Variants in PCP4 observed in about 807,000 individuals in gnomAD.
PCP4 encodes the protein calmodulin regulator protein PCP4.
A neutral mutation model predicts 10.0 loss-of-function variants in PCP4; 8 were observed. That is an observed-to-expected ratio of 0.80 (90% confidence interval 0.47 to 1.45). PCP4 has a LOEUF of 1.45. Ranked by LOEUF, PCP4 falls within the 40% of genes most tolerant of loss-of-function variation. The pLI, the probability that PCP4 is intolerant of heterozygous loss-of-function variation, is 0.00. For missense variants in PCP4, 54 were observed against 74.4 expected (o/e 0.73, Z 1.01); for synonymous variants, 21 against 23.0 (o/e 0.91, Z 0.24).
intron 2 of PCP4, 137 bp from the exon 3 acceptor site, chr21:39,928,847 C>A: frequency 4.1e-6 from 3 of 730,650 alleles, no homozygotes; most frequent in Non-Finnish European, 6.8e-6. Context: ...TGCAGATGAG[C>A]TCTTGTCCTG....
chr21:39,913,990 C>T (rs1003652770), intron 2 of PCP4, among the ~76,000 whole-genome samples: 10 of 5,170 alleles, frequency 1.9e-3, no homozygotes, highest in African/African-American at 7.5e-3. Flanking sequence ...GACGCAGAAA[C>T]GTGTGTCATG....
At chr21:39,883,300 T>C (rs1231732643) in intron 1 of PCP4, among the ~76,000 whole-genome samples, 1 of 152,190 alleles carries the variant, frequency 6.6e-6, no homozygotes, top group African/African-American at 2.4e-5. Flanking sequence ...TGTTGATTCC[T>C]GGGCCCTTTG....
chr21:39,886,830 A>G (rs1459764633), intron 1 of PCP4, among the ~76,000 whole-genome samples: 1 of 152,228 alleles, frequency 6.6e-6, no homozygotes, highest in African/African-American at 2.4e-5. Context: ...GAGACTATAT[A>G]TATGTCCACC....
intron 2 of PCP4, among the ~76,000 whole-genome samples, chr21:39,923,942 C>T (rs1226308987): frequency 2.0e-5 from 3 of 152,178 alleles, no homozygotes; most frequent in Admixed American, 6.5e-5. Context: ...TGGACTGTAT[C>T]GGTCGGCAGT....
At chr21:39,899,833 G>A (rs2087474435) in intron 2 of PCP4, among the ~76,000 whole-genome samples, 1 of 152,122 alleles carries the variant, frequency 6.6e-6, no homozygotes, top group African/African-American at 2.4e-5. Flanking sequence ...TTAAAAGGGA[G>A]GAGCAATATT....
At chr21:39,883,961 T>C (rs567775328) in intron 1 of PCP4, among the ~76,000 whole-genome samples, 1 of 152,330 alleles carries the variant, frequency 6.6e-6, no homozygotes, top group Non-Finnish European at 1.5e-5. Context: ...GGTGGGTATA[T>C]TGTTATTCTC....
chr21:39,914,007 G>A (rs1463454975), intron 2 of PCP4, among the ~76,000 whole-genome samples: 1 of 3,100 alleles, frequency 3.2e-4, no homozygotes, highest in Non-Finnish European at 6.4e-4. Context: ...CATGAAGGAT[G>A]CCAGATGCAC....
intron 1 of PCP4, among the ~76,000 whole-genome samples, chr21:39,884,445 C>G (rs1320191010): frequency 6.6e-6 from 1 of 151,904 alleles, no homozygotes; most frequent in Non-Finnish European, 1.5e-5. Context: ...TCCCAAAGTG[C>G]TGGGATTACA....
At chr21:39,918,334 C>T (rs1041602374) in intron 2 of PCP4, among the ~76,000 whole-genome samples, 1 of 152,084 alleles carries the variant, frequency 6.6e-6, no homozygotes, top group African/African-American at 2.4e-5. Context: ...CCACAATGGG[C>T]ATTTTATATA....
At chr21:39,867,572 AT>A in intron 1 of PCP4, 62 bp downstream of exon 1, 2 of 1,525,800 alleles carry the variant, frequency 1.3e-6, no homozygotes, top group Non-Finnish European at 1.8e-6. Flanking sequence ...CGGCTGAAGG[AT>A]TAGTCTCAGG....
intron 2 of PCP4, among the ~76,000 whole-genome samples, chr21:39,903,033 T>C (rs1028172851): frequency 6.6e-6 from 1 of 152,198 alleles, no homozygotes; most frequent in African/African-American, 2.4e-5. Flanking sequence ...TGGGGGAAAC[T>C]ACATTGCTGG....
At chr21:39,913,257 G>A (rs116742471) in intron 2 of PCP4, among the ~76,000 whole-genome samples, 2,010 of 151,946 alleles carry the variant, frequency 0.013, 38 homozygotes, top group African/African-American at 0.046. Flanking sequence ...TTTAAAAAAA[G>A]CAAATAGAAG....
chr21:39,908,446 G>A (rs760252793), intron 2 of PCP4, among the ~76,000 whole-genome samples: 1 of 152,156 alleles, frequency 6.6e-6, no homozygotes, highest in African/African-American at 2.4e-5. Flanking sequence ...GGAAGGCCCC[G>A]CTAGATGGCA....
Position 39,929,383 on chromosome 21 carries a change from G to A in PCP4, c.*272G>A, listed in dbSNP as rs2087640900. On this transcript the variant is annotated 3_prime_UTR_variant, in exon 3 of 3. Transcript: ENST00000328619. Reference sequence around the variant, plus strand: ...TGATGTTGTAATAAAATGAAGTTACGATGAGTGAATTCAAGTGACTGCCTT... The same window carrying A: ...TGATGTTGTAATAAAATGAAGTTACAATGAGTGAATTCAAGTGACTGCCTT... The A allele has an allele frequency of 7.3e-6, 2 of 275,566 alleles. No individual in the cohort carries two copies. Among genetic ancestry groups the A allele is most frequent in the Non-Finnish European group, 1.3e-5 (2 of 148,470 alleles). The allele number at this position is 275,566 out of a possible 1,614,324, so 17.1% of individuals were successfully genotyped here.
At chr21:39,909,122 G>A (rs2087527304) in intron 2 of PCP4, among the ~76,000 whole-genome samples, 2 of 152,300 alleles carry the variant, frequency 1.3e-5, no homozygotes, top group Middle Eastern at 3.4e-3. Context: ...AGAATAACAA[G>A]TACTGTGAGA....
At chr21:39,882,134 C>T (rs1011443882) in intron 1 of PCP4, among the ~76,000 whole-genome samples, 4 of 152,188 alleles carry the variant, frequency 2.6e-5, no homozygotes, top group Admixed American at 1.3e-4. Context: ...ACATCTTTGC[C>T]GAACTTGGAG....
intron 2 of PCP4, among the ~76,000 whole-genome samples, chr21:39,915,025 G>C (rs1262320239): frequency 6.6e-6 from 1 of 152,154 alleles, no homozygotes; most frequent in East Asian, 1.9e-4. Flanking sequence ...TGACTAGGGA[G>C]GTCACCGTCC....
intron 1 of PCP4, among the ~76,000 whole-genome samples, chr21:39,892,766 G>A (rs148688978): frequency 7.3e-4 from 111 of 151,958 alleles, no homozygotes; most frequent in African/African-American, 2.4e-3. Context: ...ATTGACTATC[G>A]TCACCCTGTT....
chr21:39,886,671 A>T (rs2087402053), intron 1 of PCP4, among the ~76,000 whole-genome samples: 1 of 152,228 alleles, frequency 6.6e-6, no homozygotes, highest in Non-Finnish European at 1.5e-5. Context: ...TTCCAAATGA[A>T]CTCAACAGTG....
Sources: allele counts gnomAD v4.1 joint callset (sites outside exome capture counted in the v4.1 genomes callset), GRCh38; gene constraint gnomAD v4.1.1; transcripts MANE v1.5; gene names NCBI Gene and HGNC (gene_info 2026-07-23, HGNC 2026-07-21).